RPS6KC1: variants seen among roughly 807,000 people sequenced by gnomAD.
The protein encoded by RPS6KC1 is inactive ribosomal protein S6 kinase delta-1.
Under a neutral mutation model 103.8 loss-of-function variants are expected in RPS6KC1, and 54 were observed. The ratio of observed to expected loss-of-function variants is 0.52; its 90% CI spans 0.42 to 0.65. RPS6KC1 has a LOEUF of 0.65. Among genes scored for constraint, RPS6KC1 ranks in the 30% least tolerant of loss-of-function variants. The probability of loss-of-function intolerance (pLI) is 0.00; values close to 1 mark genes in which losing one functional copy is unlikely to be tolerated. For missense variants in RPS6KC1, 1,151 were observed against 1,253.8 expected (o/e 0.92, Z 1.24); for synonymous variants, 439 against 438.7 (o/e 1.00, Z -0.01).
intron 1 of RPS6KC1, among the ~76,000 whole-genome samples, chr1:213,069,595 T>C (rs1252863477): frequency 1.3e-5 from 2 of 152,200 alleles, no homozygotes; most frequent in Non-Finnish European, 2.9e-5. Flanking sequence ...CCCTAGTTCA[T>C]GGTGTATTGT....
At chr1:213,775,439 A>G in the RPS6KC1 span, among the ~76,000 whole-genome samples, 1 of 152,324 alleles carries the variant, frequency 6.6e-6, no homozygotes, top group African/African-American at 2.4e-5. Flanking sequence ...AATAAAGCCA[A>G]TATTGCAATA....
At chr1:213,137,813 T>A (rs963679268) in intron 6 of RPS6KC1, among the ~76,000 whole-genome samples, 20 of 122,178 alleles carry the variant, frequency 1.6e-4, no homozygotes, top group African/African-American at 6.2e-4. Flanking sequence ...TTTTTTTTTT[T>A]TTTTTTTTTT....
At chr1:213,356,961 T>A in the RPS6KC1 span, among the ~76,000 whole-genome samples, 1 of 152,218 alleles carries the variant, frequency 6.6e-6, no homozygotes, top group Non-Finnish European at 1.5e-5. Context: ...TTTCTGTTTC[T>A]GTGCCCGTGA....
At chr1:213,363,098 T>G in the RPS6KC1 span, among the ~76,000 whole-genome samples, 1 of 152,228 alleles carries the variant, frequency 6.6e-6, no homozygotes, top group African/African-American at 2.4e-5. Flanking sequence ...GGGCCACATC[T>G]ATCAGCAGCA....
the RPS6KC1 span, among the ~76,000 whole-genome samples, chr1:213,672,238 C>A: frequency 6.6e-6 from 1 of 152,320 alleles, no homozygotes; most frequent in Admixed American, 6.5e-5. Context: ...ATGAAGCAAA[C>A]TGAAACTCTT....
the RPS6KC1 span, among the ~76,000 whole-genome samples, chr1:213,712,735 G>T: frequency 1.3e-5 from 2 of 152,178 alleles, no homozygotes; most frequent in Non-Finnish European, 2.9e-5. Flanking sequence ...CTCACTGCAG[G>T]ATCCCTCACA....
chr1:213,181,836 G>A (rs1170801679), intron 8 of RPS6KC1, among the ~76,000 whole-genome samples: 2 of 152,152 alleles, frequency 1.3e-5, no homozygotes, highest in Non-Finnish European at 2.9e-5. Context: ...AGAATAAAGT[G>A]CATTCTCTAA....
chr1:213,410,466 A>G, the RPS6KC1 span, among the ~76,000 whole-genome samples: 1 of 152,120 alleles, frequency 6.6e-6, no homozygotes, highest in Non-Finnish European at 1.5e-5. Flanking sequence ...AGATCCAGTG[A>G]GGGGAAAGTG....
chr1:213,143,823 CTTT>C (rs540171345), intron 6 of RPS6KC1, among the ~76,000 whole-genome samples: 1 of 136,026 alleles, frequency 7.4e-6, no homozygotes. Flanking sequence ...TGAGCAGCAC[CTTT>C]TTTTTTTTTT....
At chr1:213,651,981 A>G in the RPS6KC1 span, among the ~76,000 whole-genome samples, 1 of 152,138 alleles carries the variant, frequency 6.6e-6, no homozygotes, top group South Asian at 2.1e-4. Flanking sequence ...ACCCTGTACT[A>G]TTTGTTCTTA....
the RPS6KC1 span, among the ~76,000 whole-genome samples, chr1:213,508,455 G>C: frequency 6.6e-6 from 1 of 152,102 alleles, no homozygotes; most frequent in Non-Finnish European, 1.5e-5. Flanking sequence ...AAAAAGTGGA[G>C]AGCCAGAAAA....
At chr1:213,414,981 A>G in the RPS6KC1 span, among the ~76,000 whole-genome samples, 1 of 152,302 alleles carries the variant, frequency 6.6e-6, no homozygotes, top group Admixed American at 6.5e-5. Flanking sequence ...TGGAGGCCAG[A>G]GGGCTTAGCA....
the RPS6KC1 span, among the ~76,000 whole-genome samples, chr1:213,329,576 T>TA: frequency 6.7e-6 from 1 of 148,808 alleles, no homozygotes; most frequent in East Asian, 2.0e-4. Context: ...TTCAGTTGAT[T>TA]TTTTTTTTTT....
At chr1:213,689,626 A>G in the RPS6KC1 span, among the ~76,000 whole-genome samples, 1 of 152,214 alleles carries the variant, frequency 6.6e-6, no homozygotes, top group African/African-American at 2.4e-5. Flanking sequence ...ATGTAAGGCA[A>G]GCTCAAACTT....
At chr1:213,426,947 C>T in the RPS6KC1 span, among the ~76,000 whole-genome samples, 1 of 152,172 alleles carries the variant, frequency 6.6e-6, no homozygotes, top group Admixed American at 6.5e-5. Flanking sequence ...GATGTAGCTC[C>T]TGTCTAATAG....
chr1:213,539,900 A>G, the RPS6KC1 span, among the ~76,000 whole-genome samples: 3 of 152,240 alleles, frequency 2.0e-5, no homozygotes, highest in Non-Finnish European at 4.4e-5. Context: ...TTATATTTGC[A>G]CTATGCAAGT....
At chr1:213,587,334 A>C in the RPS6KC1 span, among the ~76,000 whole-genome samples, 1 of 152,166 alleles carries the variant, frequency 6.6e-6, no homozygotes, top group Non-Finnish European at 1.5e-5. Context: ...TGCCTTAAAA[A>C]CCAATGGTGG....
chr1:213,840,079 G>C, the RPS6KC1 span: 2 of 152,092 alleles, frequency 1.3e-5, no homozygotes, highest in Non-Finnish European at 2.9e-5. Flanking sequence ...TCCCCCACTA[G>C]AAATGCCTCT....
At chr1:213,439,386 G>C in the RPS6KC1 span, among the ~76,000 whole-genome samples, 3 of 135,418 alleles carry the variant, frequency 2.2e-5, no homozygotes, top group African/African-American at 8.2e-5. Context: ...TAGTTAAATT[G>C]ACGATTAATT....
Sources: allele counts gnomAD v4.1 joint callset (sites outside exome capture counted in the v4.1 genomes callset), GRCh38; gene constraint gnomAD v4.1.1; transcripts MANE v1.5; gene names NCBI Gene and HGNC (gene_info 2026-07-23, HGNC 2026-07-21).